Variants in SLC24A5 observed in about 807,000 individuals in gnomAD.
SLC24A5 encodes solute carrier family 24 member 5.
SLC24A5 carries 46 observed loss-of-function variants against 51.6 expected under a neutral mutation model. That is an observed-to-expected ratio of 0.89 (90% CI 0.70 to 1.14). The LOEUF (loss-of-function observed/expected upper bound fraction) is 1.14, where lower values mean the gene tolerates loss of function less well. Ranked by LOEUF, SLC24A5 falls within the 50% of genes most tolerant of loss-of-function variation. The pLI is 0.00. For synonymous variants in SLC24A5, 230 were observed against 214.9 expected (o/e 1.07, Z -0.62); for missense variants, 581 against 604.1 (o/e 0.96, Z 0.40).
At chr15:48,128,034 A>G (rs1181407916) in intron 2 of SLC24A5, among the ~76,000 whole-genome samples, 1 of 151,608 alleles carries the variant, frequency 6.6e-6, no homozygotes, top group Non-Finnish European at 1.5e-5. Context: ...TTTAAAGACC[A>G]AATAGGACCA....
chr15:48,140,577 GGTTTT>G, intron 7 of SLC24A5: 1 of 152,294 alleles, frequency 6.6e-6, no homozygotes, highest in Non-Finnish European at 1.5e-5. Context: ...GTAGAAAACA[GGTTTT>G]GTTTTCCTCA....
Position 48,139,069 on chromosome 15 carries a change from T to C in SLC24A5, c.972T>C (p.Asp324=), listed in dbSNP as rs376772561. The C allele has an allele frequency of 8.1e-6, 13 of 1,612,994 alleles. No individual in the cohort carries two copies. Among genetic ancestry groups the C allele is most frequent in the East Asian group, 6.7e-5 (3 of 44,756 alleles). Residue 324 remains aspartate (D), a synonymous_variant, in exon 7 of 9, where the codon GAT becomes GAC. Transcript: ENST00000341459. ...IITLLFLTTP[D]CRKKFWKNYF... ...CATTACTTTTTCTAACCACACCAGA[T>C]TGTAGAAAAAAGTTTTGGAAAAACT...
intron 5 of SLC24A5, chr15:48,136,386 T>C (rs547409237): frequency 7.2e-5 from 18 of 249,704 alleles, no homozygotes; most frequent in African/African-American, 3.8e-4. Context: ...TCTCCAATTA[T>C]CATTTTCCTT....
chr15:48,138,762 C>T (rs950520563), intron 6 of SLC24A5: 8 of 515,890 alleles, frequency 1.6e-5, no homozygotes, highest in Admixed American at 3.3e-5. Flanking sequence ...TAAAGAAATG[C>T]GGAGTATCAC....
intron 6 of SLC24A5, chr15:48,137,685 T>C (rs550186077): frequency 2.6e-4 from 39 of 152,022 alleles, no homozygotes; most frequent in African/African-American, 8.4e-4. Context: ...CAAGACTATA[T>C]GGGGCCAGAA....
chr15:48,122,990 G>C (rs1455247096), intron 2 of SLC24A5: 1 of 152,042 alleles, frequency 6.6e-6, no homozygotes, highest in Non-Finnish European at 1.5e-5. Context: ...TAAAGGGAAA[G>C]AGCATGAATG....
chr15:48,132,409 T>C (rs1169404925), intron 2 of SLC24A5, among the ~76,000 whole-genome samples: 1 of 152,134 alleles, frequency 6.6e-6, no homozygotes, highest in African/African-American at 2.4e-5. Context: ...CTGCTTCCCC[T>C]TACTAAAAGT....
chr15:48,133,864 G>C (rs1440021647), intron 2 of SLC24A5, among the ~76,000 whole-genome samples: 2 of 152,080 alleles, frequency 1.3e-5, no homozygotes, highest in Non-Finnish European at 2.9e-5. Context: ...GCTCTGTTCA[G>C]CTGCATTATA....
intron 2 of SLC24A5, among the ~76,000 whole-genome samples, chr15:48,124,864 A>T (rs1303527358): frequency 6.6e-6 from 1 of 152,194 alleles, no homozygotes; most frequent in Admixed American, 6.5e-5. Context: ...GCTGTTAAAA[A>T]TTGACCCTCA....
chr15:48,142,174 C>T lies in SLC24A5; in HGVS notation c.1326C>T (p.Thr442=). 4 of 1,613,778 alleles carry T rather than the reference C, an allele frequency of 2.5e-6. No homozygotes were observed. The highest frequency in any genetic ancestry group is 3.4e-6 in the Non-Finnish European group (4 of 1,179,860). Residue 442 remains threonine (T), a synonymous_variant, in exon 9 of 9, where the codon ACC becomes ACT. Coordinates refer to ENST00000341459, the MANE Select transcript of SLC24A5 (RefSeq NM_205850.3). The stretch of plus-strand genomic sequence containing the variant: ...ACAGCAGAGGACTAACTTACATAAC[C>T]ATCTCTCTCAACATTTCAATTATTT... ...EVNSRGLTYI[T]ISLNISIIFL...
chr15:48,123,233 T>C (rs1193431854), intron 2 of SLC24A5: 2 of 151,772 alleles, frequency 1.3e-5, no homozygotes, highest in Non-Finnish European at 2.9e-5. Flanking sequence ...AACATATGCT[T>C]TTATCTTGAC....
At chr15:48,139,413 T>C (rs977745411) in intron 7 of SLC24A5, 2 of 342,176 alleles carry the variant, frequency 5.8e-6, no homozygotes, top group African/African-American at 4.2e-5. Context: ...ATTCAAGAGA[T>C]CTTATAAATG....
At chr15:48,123,962 C>T in intron 2 of SLC24A5, 1 of 150,840 alleles carries the variant, frequency 6.6e-6, no homozygotes, top group Non-Finnish European at 1.5e-5. Context: ...GTTTTTTTGC[C>T]CATATTATAT....
intron 2 of SLC24A5, among the ~76,000 whole-genome samples, chr15:48,131,267 A>G (rs2038786891): frequency 6.6e-6 from 1 of 152,146 alleles, no homozygotes. Context: ...CACTGGTTAG[A>G]GTGATTATAC....
chr15:48,133,315 G>A (rs1464062119), intron 2 of SLC24A5, among the ~76,000 whole-genome samples: 1 of 152,136 alleles, frequency 6.6e-6, no homozygotes, highest in African/African-American at 2.4e-5. Context: ...CTAGTTTTTA[G>A]TTTATCAGTA....
rs140666229 is a variant in SLC24A5, at chr15:48,136,867, C to T, written c.775C>T (p.Arg259Cys). 294 of 1,613,788 alleles carry T rather than the reference C, an allele frequency of 1.8e-4. No individual in the cohort carries two copies. In the African/African-American group the frequency reaches 3.1e-3, roughly 17 times the overall value. The change falls in exon 6 of 9, where the codon CGT becomes TGT. Residue 259 changes from arginine (R) to cysteine (C), a missense_variant. Coordinates refer to ENST00000341459, the MANE Select transcript of SLC24A5 (RefSeq NM_205850.3). The part of the protein sequence containing the change: ...GWEDEGQPFI[R>C]RQSRTDSGIF... ...GGAAGATGAAGGTCAACCATTCATT[C>T]GTCGGCAATCAAGAACTGATAGTGG...
intron 7 of SLC24A5, 181 bp from the exon 8 acceptor site, chr15:48,140,932 C>T (rs1395097164): frequency 8.0e-6 from 4 of 500,608 alleles, no homozygotes; most frequent in Admixed American, 3.4e-5. Context: ...CTGGGTTACC[C>T]GAATTACCAG....
chr15:48,130,223 G>C (rs1291152954), intron 2 of SLC24A5, among the ~76,000 whole-genome samples: 2 of 151,976 alleles, frequency 1.3e-5, no homozygotes, highest in African/African-American at 4.8e-5. Context: ...TAATAGCTAT[G>C]GGAGGAAAAA....
At chr15:48,130,718 A>G (rs528990731) in intron 2 of SLC24A5, among the ~76,000 whole-genome samples, 2 of 152,194 alleles carry the variant, frequency 1.3e-5, no homozygotes, top group African/African-American at 4.8e-5. Flanking sequence ...AAATCTATAA[A>G]TTCTCTAGAA....
Sources: allele counts gnomAD v4.1 joint callset (sites outside exome capture counted in the v4.1 genomes callset), GRCh38; gene constraint gnomAD v4.1.1; transcripts MANE v1.5; gene names NCBI Gene and HGNC (gene_info 2026-07-23, HGNC 2026-07-21).